The following PTK7 variants were observed in gnomAD, a reference collection of about 807,000 sequenced individuals.
PTK7 encodes the protein inactive tyrosine-protein kinase 7.
Under a neutral mutation model 116.6 loss-of-function variants are expected in PTK7, and 39 were observed. The ratio of observed to expected loss-of-function variants is 0.33; its 90% CI spans 0.26 to 0.44. The LOEUF (loss-of-function observed/expected upper bound fraction) is 0.44, where lower values mean the gene tolerates loss of function less well. PTK7 is among the 20% of genes least tolerant of loss of function. PTK7 has a pLI of 1.00. For missense variants in PTK7, 1,169 were observed against 1,425.6 expected (o/e 0.82, Z 2.90); for synonymous variants, 546 against 563.6 (o/e 0.97, Z 0.44).
rs572001994 is a variant in PTK7, at chr6:43,145,535, A to C, written c.2640+103A>C. The C allele has an allele frequency of 1.3e-5, 13 of 971,180 alleles. No individual in the cohort carries two copies. In the African/African-American group the frequency reaches 1.8e-4, roughly 13 times the overall value. 60.2% of individuals were successfully genotyped at this position (971,180 alleles called of 1,614,324 possible). Reference sequence around the variant, plus strand: ...GCACCGTGAAAACCTTGTCTCGTGCAGTCTCAGCCGAGACCTCACCTGCCT... The same window carrying C: ...GCACCGTGAAAACCTTGTCTCGTGCCGTCTCAGCCGAGACCTCACCTGCCT... On this transcript the variant is annotated intron_variant, in intron 16 of 19. Coordinates refer to ENST00000230419, the MANE Select transcript of PTK7 (RefSeq NM_002821.5). The surrounding 1 kb of genome is among the most constrained non-coding windows in gnomAD (Gnocchi z 4.8).
chr6:43,100,413 T>A (rs895196389), intron 1 of PTK7, among the ~76,000 whole-genome samples: 40 of 148,924 alleles, frequency 2.7e-4, no homozygotes, highest in Middle Eastern at 3.4e-3. Context: ...AGGGTTTTTT[T>A]AAAAAAAAAT....
chr6:43,101,367 A>G (rs1767571893), intron 1 of PTK7, among the ~76,000 whole-genome samples: 1 of 151,928 alleles, frequency 6.6e-6, no homozygotes, highest in African/African-American at 2.4e-5. Flanking sequence ...CCTGGCTAAC[A>G]TGGTGAAACT....
At chr6:43,099,530 T>G (rs559056489) in intron 1 of PTK7, among the ~76,000 whole-genome samples, 1 of 152,242 alleles carries the variant, frequency 6.6e-6, no homozygotes, top group African/African-American at 2.4e-5. Flanking sequence ...CCCACAGCTA[T>G]TTCTTGAGTA....
chr6:43,080,367 A>T (rs1766311208), intron 1 of PTK7, among the ~76,000 whole-genome samples: 1 of 152,196 alleles, frequency 6.6e-6, no homozygotes, highest in Admixed American at 6.5e-5. Flanking sequence ...AAACAAAAAA[A>T]TCTGTAAATT....
At chr6:43,146,549 G>C in intron 16 of PTK7, 69 bp from the exon 17 acceptor site, 1 of 1,462,710 alleles carries the variant, frequency 6.8e-7, no homozygotes, top group East Asian at 2.3e-5. Flanking sequence ...GCGAGCACCT[G>C]CTTGGTCTGA....
At chr6:43,121,124 C>T (rs898111454) in intron 1 of PTK7, among the ~76,000 whole-genome samples, 15 of 150,094 alleles carry the variant, frequency 1.0e-4, no homozygotes, top group Non-Finnish European at 1.6e-4. Context: ...ATCCTCTTGC[C>T]TCATCCTCCC....
At chr6:43,090,725 G>A (rs1381899839) in intron 1 of PTK7, among the ~76,000 whole-genome samples, 2 of 152,108 alleles carry the variant, frequency 1.3e-5, no homozygotes, top group African/African-American at 2.4e-5. Context: ...TGTCCCTCCC[G>A]CTTGGTTGCC....
At chr6:43,127,985 C>T (rs975197672) in intron 1 of PTK7, among the ~76,000 whole-genome samples, 13 of 152,104 alleles carry the variant, frequency 8.5e-5, no homozygotes, top group Non-Finnish European at 1.8e-4. Context: ...GGCAGTAGCC[C>T]AGGTTTCTAG....
intron 1 of PTK7, among the ~76,000 whole-genome samples, chr6:43,121,913 G>A (rs936412303): frequency 7.2e-5 from 11 of 152,160 alleles, no homozygotes; most frequent in African/African-American, 2.7e-4. Flanking sequence ...GCTGAGGCAG[G>A]AGGATCACTT....
At position 43,076,655 on chromosome 6, in the gene PTK7, C is replaced by T. The variant is rs1286490771; in HGVS notation, c.79+88C>T. The T allele has an allele frequency of 6.9e-6, 10 of 1,446,948 alleles. No homozygotes were observed. In the Admixed American group the frequency reaches 2.1e-4, roughly 30 times the overall value. 89.6% of individuals were successfully genotyped at this position (1,446,948 alleles called of 1,614,324 possible). A position where few individuals can be genotyped will look rare whatever the true frequency, so the allele number is the denominator to read the frequency against. ...CTGCGCCCGGGGCGGTGGGTTTGGGCGGCTGGAACGGCCCTGGAGTAGTGG... is the reference window on the plus strand; with the variant it reads ...CTGCGCCCGGGGCGGTGGGTTTGGGTGGCTGGAACGGCCCTGGAGTAGTGG... On this transcript the variant is annotated intron_variant, in intron 1 of 19. Coordinates refer to ENST00000230419, the MANE Select transcript of PTK7 (RefSeq NM_002821.5). This position sits in a 1 kb window ranked among gnomAD's most constrained non-coding sequence, Gnocchi z 5.7.
chr6:43,081,313 GT>G (rs1238167964), intron 1 of PTK7, among the ~76,000 whole-genome samples: 2 of 152,116 alleles, frequency 1.3e-5, no homozygotes, highest in African/African-American at 2.4e-5. Context: ...ATTGGGTTTT[GT>G]TTTAATTTAC....
At position 43,161,579 on chromosome 6, in the gene PTK7, G is replaced by A. The variant is rs1043918216; in HGVS notation, c.*698G>A. 3 of 152,068 alleles carry A rather than the reference G, an allele frequency of 2.0e-5. No individual in the cohort carries two copies. Among genetic ancestry groups the A allele is most frequent in the African/African-American group, 7.2e-5 (3 of 41,382 alleles). 9.4% of individuals were successfully genotyped at this position (152,068 alleles called of 1,614,324 possible). The stretch of plus-strand genomic sequence containing the variant: ...GGGGTGGGTGGGCATGGGAGGTAGG[G>A]GTGGGCCCTGGAGATGAGGAGGGTG... On this transcript the variant is annotated 3_prime_UTR_variant, in exon 20 of 20. Coordinates refer to ENST00000230419, the MANE Select transcript of PTK7 (RefSeq NM_002821.5).
chr6:43,119,212 T>G (rs1047075455), intron 1 of PTK7, among the ~76,000 whole-genome samples: 3 of 152,082 alleles, frequency 2.0e-5, no homozygotes, highest in African/African-American at 4.8e-5. Flanking sequence ...GGTGAACTGC[T>G]GTGGCCACTC....
In PTK7 at chr6:43,129,115, A is replaced by G. The variant is rs1284839483; in HGVS notation, c.218A>G (p.Gln73Arg). 3 of 1,614,056 alleles carry G rather than the reference A, an allele frequency of 1.9e-6. No homozygotes were observed. Among genetic ancestry groups the G allele is most frequent in the African/African-American group, 2.7e-5 (2 of 74,944 alleles). ...VYWLLDGAPV[Q>R]DTERRFAQGS... ...TGGCTGCTCGATGGGGCCCCTGTCC[A>G]GGACACGGAGCGGCGTTTCGCCCAG... Residue 73 changes from glutamine to arginine, a missense_variant, in exon 2 of 20, where the codon CAG (glutamine) becomes CGG (arginine). Transcript: ENST00000230419. This position sits in a 1 kb window ranked among gnomAD's most constrained non-coding sequence, Gnocchi z 4.5.
intron 1 of PTK7, among the ~76,000 whole-genome samples, chr6:43,079,115 G>T (rs963068173): frequency 6.6e-6 from 1 of 152,184 alleles, no homozygotes; most frequent in Non-Finnish European, 1.5e-5. Flanking sequence ...TGGAGATAAA[G>T]TATGGTCCTT....
At chr6:43,157,373 T>TATAAA (rs1771556399) in intron 17 of PTK7, among the ~76,000 whole-genome samples, 3 of 87,014 alleles carry the variant, frequency 3.4e-5, no homozygotes, top group African/African-American at 1.7e-4. Flanking sequence ...TATTTTTTTT[T>TATAAA]TTCTTTTTTT....
intron 1 of PTK7, among the ~76,000 whole-genome samples, chr6:43,109,859 C>T (rs1454307222): frequency 2.6e-5 from 4 of 151,912 alleles, no homozygotes; most frequent in Admixed American, 6.6e-5. Flanking sequence ...CGACCACGCC[C>T]GGCTAATTTT....
At chr6:43,100,239 T>C (rs955872863) in intron 1 of PTK7, among the ~76,000 whole-genome samples, 10 of 152,032 alleles carry the variant, frequency 6.6e-5, no homozygotes, top group African/African-American at 2.2e-4. Flanking sequence ...AAAAATTAGC[T>C]GGGCGTGGTG....
At chr6:43,135,241 G>C (rs1769956916) in intron 7 of PTK7, among the ~76,000 whole-genome samples, 1 of 152,198 alleles carries the variant, frequency 6.6e-6, no homozygotes, top group South Asian at 2.1e-4. Flanking sequence ...AACAGGGCCA[G>C]ATCAGGTGCT....
Sources: gnomAD v4.1 joint callset for allele counts (sites outside exome capture counted in the v4.1 genomes callset) on GRCh38, gnomAD v4.1.1 for gene constraint, Gnocchi (gnomAD v3.1) non-coding constraint, MANE v1.5 for transcripts, NCBI Gene and HGNC (gene_info 2026-07-23, HGNC 2026-07-21) for gene names.